The following DDR2 variants were observed in gnomAD, a reference collection of about 807,000 sequenced individuals.
The protein encoded by DDR2 is discoidin domain-containing receptor 2.
A neutral mutation model predicts 94.9 loss-of-function variants in DDR2; 27 were observed. The observed-to-expected ratio is 0.28, with a 90% CI of 0.21 to 0.39. The LOEUF (loss-of-function observed/expected upper bound fraction) is 0.39, where lower values mean the gene tolerates loss of function less well. Ranked by LOEUF, DDR2 falls within the 10% of genes least tolerant of loss-of-function variation. The pLI, the probability that DDR2 is intolerant of heterozygous loss-of-function variation, is 1.00. For synonymous variants in DDR2, 382 were observed against 377.2 expected (o/e 1.01, Z -0.15); for missense variants, 783 against 1,076.0 (o/e 0.73, Z 3.81).
At chr1:162,750,622 C>T (rs527338565) in intron 3 of DDR2, among the ~76,000 whole-genome samples, 235 of 152,274 alleles carry the variant, frequency 1.5e-3, no homozygotes, top group African/African-American at 5.3e-3. Context: ...CAATGACTTT[C>T]TTCACAGAAT....
intron 3 of DDR2, among the ~76,000 whole-genome samples, chr1:162,748,387 A>G (rs1325173407): frequency 2.0e-5 from 3 of 152,258 alleles, no homozygotes. Context: ...ACCAGCAAGG[A>G]TCAAAAGAGA....
At position 162,775,003 on chromosome 1, in the gene DDR2, G is replaced by C. The variant is rs75827130; in HGVS notation, c.1857-649G>C. On this transcript the variant is annotated intron_variant, in intron 14 of 17. Transcript: ENST00000367921. ...AAAATCTTGCTACTTTATGACCCAA[G>C]GGTGTCTGTCACCATGTACTCAAAC... is the stretch of plus-strand genomic sequence containing the variant. Among the ~76,000 whole-genome samples, 512 of 152,256 alleles carry C rather than the reference G, an allele frequency of 3.4e-3. 6 individuals are homozygous for C. The highest frequency in any genetic ancestry group is 0.032 in the East Asian group (166 of 5,182).
At chr1:162,771,166 G>A (rs1664248703) in intron 12 of DDR2, among the ~76,000 whole-genome samples, 1 of 152,172 alleles carries the variant, frequency 6.6e-6, no homozygotes, top group African/African-American at 2.4e-5. Context: ...AAATTTCGAT[G>A]TCTTTCAAAA....
chr1:162,657,037 A>G (rs1056945907), intron 2 of DDR2, among the ~76,000 whole-genome samples: 10 of 151,446 alleles, frequency 6.6e-5, no homozygotes, highest in African/African-American at 2.4e-4. Flanking sequence ...TGAGGGTCTC[A>G]CTATGTTGTC....
At chr1:162,688,147 C>T (rs956059391) in intron 2 of DDR2, among the ~76,000 whole-genome samples, 4 of 152,206 alleles carry the variant, frequency 2.6e-5, no homozygotes, top group Admixed American at 1.3e-4. Context: ...AATACGTGAG[C>T]GTGCATTAAG....
At chr1:162,718,526 T>C (rs1237127735) in intron 2 of DDR2, among the ~76,000 whole-genome samples, 1 of 152,164 alleles carries the variant, frequency 6.6e-6, no homozygotes, top group African/African-American at 2.4e-5. Context: ...TCTATTATCA[T>C]AGATTAGATA....
At chr1:162,759,496 G>A (rs1663612693) in intron 7 of DDR2, among the ~76,000 whole-genome samples, 1 of 152,118 alleles carries the variant, frequency 6.6e-6, no homozygotes, top group East Asian at 1.9e-4. Context: ...TAGGCAAGGT[G>A]CAATAAATTA....
intron 2 of DDR2, among the ~76,000 whole-genome samples, chr1:162,678,032 G>C (rs1458070857): frequency 6.6e-6 from 1 of 152,064 alleles, no homozygotes; most frequent in Non-Finnish European, 1.5e-5. Flanking sequence ...GAGTGAATTT[G>C]GTGAAACCGA....
chr1:162,776,977 C>T (rs1241850487), intron 16 of DDR2, among the ~76,000 whole-genome samples: 1 of 152,128 alleles, frequency 6.6e-6, no homozygotes, highest in Non-Finnish European at 1.5e-5. Flanking sequence ...TTAGACTATA[C>T]ACTTTTACTT....
intron 3 of DDR2, among the ~76,000 whole-genome samples, chr1:162,748,336 G>A (rs1662993541): frequency 6.6e-6 from 1 of 152,152 alleles, no homozygotes; most frequent in Non-Finnish European, 1.5e-5. Flanking sequence ...ACAAAAAAAG[G>A]CAGGGGTTGC....
intron 2 of DDR2, among the ~76,000 whole-genome samples, chr1:162,668,978 G>A (rs1484070038): frequency 6.6e-6 from 1 of 152,104 alleles, no homozygotes; most frequent in Non-Finnish European, 1.5e-5. Flanking sequence ...ATCTGGCAGC[G>A]GAGTCAGGGG....
chr1:162,682,566 G>A (rs1659463245), intron 2 of DDR2, among the ~76,000 whole-genome samples: 1 of 152,210 alleles, frequency 6.6e-6, no homozygotes, highest in Admixed American at 6.5e-5. Context: ...AGCCCAGGCT[G>A]GCAAAGAATA....
chr1:162,650,554 C>A (rs1331072972), intron 1 of DDR2, among the ~76,000 whole-genome samples: 1 of 152,186 alleles, frequency 6.6e-6, no homozygotes, highest in East Asian at 1.9e-4. Flanking sequence ...TAAGACTGCA[C>A]CACTGCCCTC....
chr1:162,761,165 C>T (rs764318264), intron 8 of DDR2, 46 bp from the exon 9 acceptor site: 9 of 1,612,812 alleles, frequency 5.6e-6, no homozygotes, highest in South Asian at 1.1e-5. Context: ...TCTCCATGCA[C>T]CTTAGCAGGG....
intron 1 of DDR2, among the ~76,000 whole-genome samples, chr1:162,649,098 T>C (rs1346327662): frequency 6.6e-6 from 1 of 152,110 alleles, no homozygotes; most frequent in African/African-American, 2.4e-5. Flanking sequence ...TTTCCCAAAG[T>C]GCAATTCTTG....
intron 3 of DDR2, among the ~76,000 whole-genome samples, chr1:162,735,796 C>G (rs958166718): frequency 6.6e-6 from 1 of 152,222 alleles, no homozygotes; most frequent in Non-Finnish European, 1.5e-5. Flanking sequence ...GCAGCTGCAG[C>G]AGCAGTAGCT....
In DDR2 at chr1:162,702,912, A is replaced by ACT. The variant is rs533579362; in HGVS notation, c.-27-16110_-27-16109dup. Among the ~76,000 whole-genome samples, 1,265 of 148,288 alleles carry ACT rather than the reference A, an allele frequency of 8.5e-3. 40 individuals carry two copies. Among genetic ancestry groups the ACT allele is most frequent in the East Asian group, 0.076 (383 of 5,072 alleles). ...AACTGTGGCATTTCTGGTCTTTTAT[A>ACT]CTCTCTCTCTCTCTCTGTGTGTGTG... On this transcript the variant is annotated intron_variant, in intron 2 of 17. Coordinates refer to ENST00000367921, the MANE Select transcript of DDR2 (RefSeq NM_006182.4).
At chr1:162,722,755 T>C (rs1661478590) in intron 3 of DDR2, among the ~76,000 whole-genome samples, 1 of 152,228 alleles carries the variant, frequency 6.6e-6, no homozygotes, top group African/African-American at 2.4e-5. Context: ...CTCTTTATAC[T>C]TCCTTAATAT....
chr1:162,737,204 T>A (rs1158131368), intron 3 of DDR2, among the ~76,000 whole-genome samples: 1 of 150,912 alleles, frequency 6.6e-6, no homozygotes, highest in Admixed American at 6.6e-5. Flanking sequence ...CATGTGCACA[T>A]TGTGCAGGTT....
Sources: gnomAD v4.1 joint callset for allele counts (sites outside exome capture counted in the v4.1 genomes callset) on GRCh38, gnomAD v4.1.1 for gene constraint, MANE v1.5 for transcripts, NCBI Gene and HGNC (gene_info 2026-07-23, HGNC 2026-07-21) for gene names.